Variants in KIAA0232 observed in about 807,000 individuals in gnomAD.
KIAA0232 encodes KIAA0232.
A neutral mutation model predicts 122.0 loss-of-function variants in KIAA0232; 27 were observed. The ratio of observed to expected loss-of-function variants is 0.22; its 90% CI spans 0.16 to 0.31. KIAA0232 has a LOEUF of 0.31. KIAA0232 is among the 10% of genes least tolerant of loss of function. KIAA0232 has a pLI of 1.00. For missense variants in KIAA0232, 1,551 were observed against 1,634.2 expected (o/e 0.95, Z 0.88); for synonymous variants, 613 against 587.6 (o/e 1.04, Z -0.63).
At chr4:6,814,668 A>G (rs552968902) in intron 2 of KIAA0232, among the ~76,000 whole-genome samples, 16 of 152,276 alleles carry the variant, frequency 1.1e-4, no homozygotes, top group African/African-American at 3.6e-4. Context: ...TCTGTTTTAC[A>G]GATGAGAAAA....
intron 4 of KIAA0232, among the ~76,000 whole-genome samples, chr4:6,845,813 G>T (rs538414568): frequency 6.6e-6 from 1 of 152,304 alleles, no homozygotes; most frequent in East Asian, 1.9e-4. Flanking sequence ...CAACTGAAAA[G>T]ATGAAGGGTA....
Position 6,861,017 on chromosome 4 carries a change from C to A in KIAA0232, c.635C>A (p.Ala212Asp). ...SYSSSSSSST[A>D]PPASTDTSSP... ...TCTAGCTCTTCTTCATCATCCACAG[C>A]CCCACCAGCTAGCACAGATACTTCC... The change falls in exon 7 of 10, where the codon GCC becomes GAC. Residue 212 changes from alanine to aspartate, a missense_variant. Physicochemically the swap from Ala to Asp is moderately radical, Grantham distance 126. Around this residue, in one of 5 missense-constraint regions of KIAA0232, gnomAD observed 377 missense variants for 381.7 expected, o/e 0.99. Coordinates refer to ENST00000307659, the MANE Select transcript of KIAA0232 (RefSeq NM_014743.3). 1 of 1,614,180 alleles carries A rather than the reference C, an allele frequency of 6.2e-7. No homozygotes were observed. Among genetic ancestry groups the A allele is most frequent in the Non-Finnish European group, 8.5e-7 (1 of 1,180,020 alleles).
intron 2 of KIAA0232, among the ~76,000 whole-genome samples, chr4:6,815,240 T>G (rs183068355): frequency 1.3e-5 from 2 of 152,352 alleles, no homozygotes; most frequent in East Asian, 3.9e-4. Flanking sequence ...GGTTTTTGCC[T>G]GTGCTTGTCA....
At chr4:6,841,960 G>A (rs183628238) in intron 3 of KIAA0232, 107 bp from the exon 4 acceptor site, 43 of 1,269,332 alleles carry the variant, frequency 3.4e-5, no homozygotes, top group African/African-American at 4.6e-5. Context: ...CCTAAAACTC[G>A]TATGGAAATG....
chr4:6,836,546 C>CTTTT (rs1173281370), intron 3 of KIAA0232, among the ~76,000 whole-genome samples: 1 of 82,084 alleles, frequency 1.2e-5, no homozygotes, highest in Non-Finnish European at 2.7e-5. Context: ...TTTTTCTTTT[C>CTTTT]TTTTTTTTTT....
At chr4:6,814,906 A>G (rs1718049784) in intron 2 of KIAA0232, among the ~76,000 whole-genome samples, 1 of 152,218 alleles carries the variant, frequency 6.6e-6, no homozygotes, top group South Asian at 2.1e-4. Context: ...AGTAAAAAAG[A>G]CAAATTTTAA....
intron 7 of KIAA0232, among the ~76,000 whole-genome samples, chr4:6,864,892 C>G (rs537257140): frequency 1.0e-3 from 159 of 152,232 alleles, no homozygotes; most frequent in Non-Finnish European, 1.7e-3. Flanking sequence ...ATCACTTTAT[C>G]AAAACTTGTG....
At chr4:6,845,753 T>G (rs1405790375) in intron 4 of KIAA0232, among the ~76,000 whole-genome samples, 1 of 152,180 alleles carries the variant, frequency 6.6e-6, no homozygotes, top group African/African-American at 2.4e-5. Flanking sequence ...GAAATGAGCC[T>G]AGCCTTTGAC....
At chr4:6,791,520 G>T (rs1716893729) in intron 1 of KIAA0232, among the ~76,000 whole-genome samples, 1 of 151,276 alleles carries the variant, frequency 6.6e-6, no homozygotes, top group South Asian at 2.1e-4. Context: ...GTAGAGATGG[G>T]GTTTTACCAC....
intron 1 of KIAA0232, among the ~76,000 whole-genome samples, chr4:6,787,434 T>A (rs1278086655): frequency 1.3e-5 from 2 of 152,224 alleles, no homozygotes; most frequent in East Asian, 3.8e-4. Flanking sequence ...AGAACGGTTA[T>A]TCCTGTTGCT....
chr4:6,869,230 A>G, intron 7 of KIAA0232, among the ~76,000 whole-genome samples: 1 of 152,164 alleles, frequency 6.6e-6, no homozygotes, highest in Non-Finnish European at 1.5e-5. Flanking sequence ...CTTGATCTTA[A>G]TCCTCAAGAA....
intron 2 of KIAA0232, among the ~76,000 whole-genome samples, chr4:6,817,812 G>A (rs1018979223): frequency 6.6e-6 from 1 of 152,006 alleles, no homozygotes; most frequent in African/African-American, 2.4e-5. Flanking sequence ...TATCTTTGCA[G>A]TTCTACCAAT....
intron 4 of KIAA0232, among the ~76,000 whole-genome samples, chr4:6,853,115 C>G (rs1019712385): frequency 1.3e-5 from 2 of 152,134 alleles, no homozygotes; most frequent in Non-Finnish European, 2.9e-5. Flanking sequence ...CTGACTGATT[C>G]CCCCATCCCT....
chr4:6,785,003 G>T (rs1345991034), intron 1 of KIAA0232, among the ~76,000 whole-genome samples: 2 of 148,756 alleles, frequency 1.3e-5, no homozygotes, highest in African/African-American at 5.0e-5. Flanking sequence ...CCGCGATCTC[G>T]GCTCACTCAC....
intron 9 of KIAA0232, among the ~76,000 whole-genome samples, chr4:6,879,502 A>G (rs1721939200): frequency 6.6e-6 from 1 of 151,928 alleles, no homozygotes; most frequent in Non-Finnish European, 1.5e-5. Context: ...CTTTGACCTC[A>G]TCTGTCTCTG....
chr4:6,789,071 C>T (rs1019395737), intron 1 of KIAA0232, among the ~76,000 whole-genome samples: 11 of 151,942 alleles, frequency 7.2e-5, no homozygotes, highest in Admixed American at 2.6e-4. Context: ...CCTGGGTTCA[C>T]GCCATTCTCC....
At chr4:6,785,556 C>G (rs1371241764) in intron 1 of KIAA0232, among the ~76,000 whole-genome samples, 2 of 152,188 alleles carry the variant, frequency 1.3e-5, no homozygotes, top group East Asian at 3.8e-4. Context: ...AAAATACTCG[C>G]CTAGTGTAAG....
intron 2 of KIAA0232, among the ~76,000 whole-genome samples, chr4:6,818,484 T>C (rs1417929966): frequency 6.5e-5 from 9 of 139,332 alleles, no homozygotes; most frequent in African/African-American, 1.3e-4. Flanking sequence ...CCATTTACAA[T>C]AGACACACAC....
intron 3 of KIAA0232, among the ~76,000 whole-genome samples, chr4:6,833,727 T>G (rs1032804435): frequency 2.0e-5 from 3 of 152,144 alleles, no homozygotes; most frequent in African/African-American, 4.8e-5. Flanking sequence ...ACTCCCATAG[T>G]GACAAAAACC....
Sources: gnomAD v4.1 joint callset for allele counts (sites outside exome capture counted in the v4.1 genomes callset) on GRCh38, gnomAD v4.1.1 for gene constraint, gnomAD v4.1.1 regional missense constraint, MANE v1.5 for transcripts, NCBI Gene and HGNC (gene_info 2026-07-23, HGNC 2026-07-21) for gene names.